TMIGD1: variants seen among roughly 807,000 people sequenced by gnomAD.
TMIGD1 encodes the protein transmembrane and immunoglobulin domain-containing protein 1.
In TMIGD1, 29 loss-of-function variants were observed where a neutral mutation model predicts 27.5. The observed-to-expected ratio is 1.05, with a 90% CI of 0.78 to 1.44. The LOEUF is 1.44. Among genes scored for constraint, TMIGD1 ranks in the 40% most tolerant of loss-of-function variants. TMIGD1 has a pLI of 0.00. For synonymous variants in TMIGD1, 109 were observed against 110.3 expected (o/e 0.99, Z 0.07); for missense variants, 334 against 310.6 (o/e 1.08, Z -0.57).
chr17:30,319,261 A>AAAAAAAAAAAAATATATATATAT, intron 4 of TMIGD1, among the ~76,000 whole-genome samples: 41 of 69,000 alleles, frequency 5.9e-4, no homozygotes, highest in Non-Finnish European at 8.7e-4. Context: ...AAAAAAAAAA[A>AAAAAAAAAAAAATATATATATAT]ATATATATAT....
At chr17:30,320,084 C>A (rs544996854) in intron 4 of TMIGD1, among the ~76,000 whole-genome samples, 152 of 151,670 alleles carry the variant, frequency 1.0e-3, no homozygotes, top group Middle Eastern at 6.8e-3. Context: ...GTTGCCCAGG[C>A]TGGAGTACGG....
In TMIGD1 at chr17:30,318,839, G is replaced by A; in HGVS notation, c.715C>T (p.Leu239=). Residue 239 remains leucine (L), a synonymous_variant, in exon 5 of 7, where the codon CTG becomes TTG. Transcript: ENST00000328886. ...ATTATTTTCTTTCTTCTAGCAATCA[G>A]TCCAAAGCACAATGTCAGAAAGATC... is the stretch of plus-strand genomic sequence containing the variant. ...VVIFLTLCFG[L]IARRKKIMKL... The A allele has an allele frequency of 1.2e-6, 2 of 1,613,594 alleles. No homozygotes were observed. The highest frequency in any genetic ancestry group is 1.7e-6 in the Non-Finnish European group (2 of 1,179,670).
rs760525954 is a variant in TMIGD1, at chr17:30,329,299, G to A, written c.313C>T (p.Leu105=). 2.5e-6 allele frequency: 4 copies of A among 1,613,802 alleles called. No homozygotes were observed. The highest frequency in any genetic ancestry group is 1.7e-5 in the Admixed American group (1 of 59,970). Residue 105 remains leucine (L), a synonymous_variant, in exon 3 of 7, where the codon CTG becomes TTG. Coordinates refer to ENST00000328886, the MANE Select transcript of TMIGD1 (RefSeq NM_206832.3). The stretch of plus-strand genomic sequence containing the variant: ...ACGGACACGGACTGATCCCTCCCCA[G>A]CCTGCAGGTAAAGCTGATTCCGTTG... ...NDNGISFTCR[L]GRDQSVSVSV...
At chr17:30,321,625 C>G (rs1192881654) in intron 4 of TMIGD1, among the ~76,000 whole-genome samples, 1 of 152,082 alleles carries the variant, frequency 6.6e-6, no homozygotes, top group Admixed American at 6.6e-5. Context: ...GGGAGACAGA[C>G]ATTAAACAAA....
intron 2 of TMIGD1, among the ~76,000 whole-genome samples, chr17:30,331,304 G>A (rs1410734234): frequency 6.8e-6 from 1 of 146,844 alleles, no homozygotes; most frequent in African/African-American, 2.5e-5. Context: ...AAGTATTTGG[G>A]GGGATTTGTA....
At chr17:30,319,261 A>AAAAATATAT in intron 4 of TMIGD1, among the ~76,000 whole-genome samples, 2 of 69,068 alleles carry the variant, frequency 2.9e-5, no homozygotes, top group African/African-American at 1.8e-4. Flanking sequence ...AAAAAAAAAA[A>AAAAATATAT]ATATATATAT....
Position 30,318,904 on chromosome 17 carries a change from A to C in TMIGD1, c.650T>G (p.Val217Gly), listed in dbSNP as rs183978584. The C allele has an allele frequency of 6.2e-7, 1 of 1,612,262 alleles. No individual in the cohort carries two copies. Among genetic ancestry groups the C allele is most frequent in the African/African-American group, 1.3e-5 (1 of 75,028 alleles). Residue 217 changes from valine to glycine, a missense_variant, in exon 5 of 7, where the codon GTG (valine) becomes GGG (glycine). Transcript: ENST00000328886. ...AATAATGGGCTCTATTGGTACACCC[A>C]CAGTTTTATCTGTAGGAAATGCAAA... ...DFHLIVKDKT[V>G]GVPIEPIIAA...
intron 4 of TMIGD1, among the ~76,000 whole-genome samples, chr17:30,321,269 T>C (rs1449925552): frequency 6.6e-6 from 1 of 151,906 alleles, no homozygotes; most frequent in African/African-American, 2.4e-5. Flanking sequence ...GTGTTGCAAT[T>C]ACAGGCATCA....
rs1003148172 is a variant in TMIGD1, at chr17:30,332,105, T to A, written c.29A>T (p.Gln10Leu). 2 of 1,613,778 alleles carry A rather than the reference T, an allele frequency of 1.2e-6. No individual in the cohort carries two copies. Among genetic ancestry groups the A allele is most frequent in the Non-Finnish European group, 1.7e-6 (2 of 1,179,834 alleles). The change falls in exon 2 of 7, where the codon CAA (glutamine) becomes CTA (leucine). Residue 10 changes from glutamine to leucine, a missense_variant. Physicochemically the swap from Gln to Leu is moderately radical, Grantham distance 113. Transcript: ENST00000328886. Reference sequence around the variant, plus strand: ...TACTAAGAGAAGAAATCTTCCCATTTGCATTATGACACTGCTCTTCCATGC... The same window carrying A: ...TACTAAGAGAAGAAATCTTCCCATTAGCATTATGACACTGCTCTTCCATGC... MAWKSSVIM[Q>L]MGRFLLLVIL...
chr17:30,317,900 T>C (rs1384782755), intron 5 of TMIGD1, among the ~76,000 whole-genome samples: 1 of 151,712 alleles, frequency 6.6e-6, no homozygotes, highest in Non-Finnish European at 1.5e-5. Context: ...CAAAACCCTG[T>C]CTACAAAAAA....
At chr17:30,320,227 G>A (rs565604152) in intron 4 of TMIGD1, among the ~76,000 whole-genome samples, 6 of 151,752 alleles carry the variant, frequency 4.0e-5, no homozygotes, top group African/African-American at 7.3e-5. Flanking sequence ...TAGTAGAGAC[G>A]GGGTTTCACT....
At position 30,332,063 on chromosome 17, in the gene TMIGD1, C is replaced by G; in HGVS notation, c.71G>C (p.Arg24Pro). 6.2e-7 allele frequency: 1 copy of G among 1,610,654 alleles called. No homozygotes were observed. The highest frequency in any genetic ancestry group is 8.5e-7 in the Non-Finnish European group (1 of 1,177,982). Reference sequence around the variant, plus strand: ...GAACTTTAACTTACTTGTCATCTCACGTGGCAGAAATAAAATTACTAAGAG... The same window carrying G: ...GAACTTTAACTTACTTGTCATCTCAGGTGGCAGAAATAAAATTACTAAGAG... ...FLLLVILFLP[R>P]EMTSSVLTVN... The change falls in exon 2 of 7, where the codon CGT (arginine) becomes CCT (proline). Residue 24 changes from arginine to proline, a missense_variant. Coordinates refer to ENST00000328886, the MANE Select transcript of TMIGD1 (RefSeq NM_206832.3).
Position 30,317,237 on chromosome 17 carries a change from A to C in TMIGD1, c.745-4T>G. 6.2e-7 allele frequency: 1 copy of C among 1,614,002 alleles called. No individual in the cohort carries two copies. Among genetic ancestry groups the C allele is most frequent in the Non-Finnish European group, 8.5e-7 (1 of 1,179,938 alleles). On this transcript the variant is annotated splice_polypyrimidine_tract_variant and splice_region_variant and intron_variant, in intron 5 of 6. Transcript: ENST00000328886. ...GGTCTTTATCCTTCATGCAGAGCTA[A>C]AAGCAAACATGGCAGTAAATTAGCC...
At chr17:30,330,858 A>C (rs750568871) in intron 2 of TMIGD1, among the ~76,000 whole-genome samples, 2 of 152,252 alleles carry the variant, frequency 1.3e-5, no homozygotes, top group Non-Finnish European at 2.9e-5. Context: ...CCCAGATAAC[A>C]TTTGTTAATA....
intron 3 of TMIGD1, 146 bp from the exon 4 acceptor site, chr17:30,325,240 G>T: frequency 1.3e-6 from 1 of 763,160 alleles, no homozygotes; most frequent in Non-Finnish European, 2.1e-6. Flanking sequence ...CAAGCACTGG[G>T]GTAACAAGGG....
At chr17:30,333,628 G>A (rs2143197974) in intron 1 of TMIGD1, among the ~76,000 whole-genome samples, 1 of 152,114 alleles carries the variant, frequency 6.6e-6, no homozygotes, top group African/African-American at 2.4e-5. Context: ...ATTCATGCCA[G>A]GCTCACCCTT....
chr17:30,316,716 T>C, intron 6 of TMIGD1, 26 bp from the exon 7 acceptor site: 1 of 1,609,952 alleles, frequency 6.2e-7, no homozygotes, highest in South Asian at 1.1e-5. Context: ...AAATTAATAA[T>C]AATGATGCTC....
At chr17:30,320,394 A>G (rs1243892369) in intron 4 of TMIGD1, among the ~76,000 whole-genome samples, 1 of 152,150 alleles carries the variant, frequency 6.6e-6, no homozygotes, top group Non-Finnish European at 1.5e-5. Flanking sequence ...CAAGCTTTCT[A>G]AGAGCCTTTG....
intron 4 of TMIGD1, among the ~76,000 whole-genome samples, chr17:30,324,200 C>T (rs572617574): frequency 3.3e-5 from 5 of 152,278 alleles, no homozygotes; most frequent in African/African-American, 9.6e-5. Context: ...GCATCTGCTA[C>T]CCCAGGTATT....
Sources: gnomAD v4.1 joint callset for allele counts (sites outside exome capture counted in the v4.1 genomes callset) on GRCh38, gnomAD v4.1.1 for gene constraint, MANE v1.5 for transcripts, NCBI Gene and HGNC (gene_info 2026-07-23, HGNC 2026-07-21) for gene names.